The following ATRNL1 variants were observed in gnomAD, a reference collection of about 807,000 sequenced individuals.
The protein encoded by ATRNL1 is attractin like 1, also known as attractin-like protein 1.
ATRNL1 carries 95 observed loss-of-function variants against 182.7 expected under a neutral mutation model. The observed-to-expected ratio is 0.52, with a 90% CI of 0.44 to 0.62. ATRNL1 has a LOEUF of 0.62. Ranked by LOEUF, ATRNL1 falls within the 20% of genes least tolerant of loss-of-function variation. The probability of loss-of-function intolerance (pLI) is 0.00; values close to 1 mark genes in which losing one functional copy is unlikely to be tolerated. For missense variants in ATRNL1, 1,471 were observed against 1,679.5 expected (o/e 0.88, Z 2.17); for synonymous variants, 576 against 568.3 (o/e 1.01, Z -0.19).
chr10:115,844,855 C>T (rs1166440161), intron 27 of ATRNL1, among the ~76,000 whole-genome samples: 4 of 152,012 alleles, frequency 2.6e-5, no homozygotes, highest in African/African-American at 7.2e-5. Flanking sequence ...TTGCACAGCT[C>T]AGTGAACATG....
intron 26 of ATRNL1, among the ~76,000 whole-genome samples, chr10:115,597,406 C>G (rs1051050920): frequency 6.6e-6 from 1 of 151,988 alleles, no homozygotes; most frequent in Admixed American, 6.6e-5. Context: ...GTTGATGACA[C>G]AATTTTAGAA....
intron 19 of ATRNL1, among the ~76,000 whole-genome samples, chr10:115,373,552 C>T (rs1226839853): frequency 6.6e-6 from 1 of 151,920 alleles, no homozygotes; most frequent in Non-Finnish European, 1.5e-5. Context: ...ATTTGTTGAG[C>T]ATTTTTTCAA....
intron 3 of ATRNL1, among the ~76,000 whole-genome samples, 183 bp downstream of exon 3, chr10:115,121,995 TATAAC>T (rs1216939943): frequency 1.6e-4 from 25 of 152,186 alleles, no homozygotes; most frequent in African/African-American, 3.1e-4. Context: ...TAAATATTGA[TATAAC>T]ATAAATAAGT....
chr10:115,436,341 G>T (rs1029263018), intron 21 of ATRNL1, among the ~76,000 whole-genome samples: 2 of 152,080 alleles, frequency 1.3e-5, no homozygotes, highest in Admixed American at 1.3e-4. Flanking sequence ...AAAAATTAAT[G>T]TATGGCATTG....
At chr10:115,360,203 A>G (rs1030426672) in intron 19 of ATRNL1, among the ~76,000 whole-genome samples, 27 of 151,836 alleles carry the variant, frequency 1.8e-4, no homozygotes, top group South Asian at 4.1e-4. Flanking sequence ...AACTCTTCAA[A>G]TAAAGTTGTT....
At chr10:115,317,166 A>G (rs1284585920) in intron 18 of ATRNL1, among the ~76,000 whole-genome samples, 1 of 152,174 alleles carries the variant, frequency 6.6e-6, no homozygotes, top group Non-Finnish European at 1.5e-5. Context: ...CATTTATTGA[A>G]TAGGAGATCC....
chr10:115,493,808 C>T (rs1554977369), intron 24 of ATRNL1, among the ~76,000 whole-genome samples: 3 of 152,168 alleles, frequency 2.0e-5, no homozygotes, highest in African/African-American at 7.2e-5. Context: ...AGTAGATATT[C>T]TGACTAGTGT....
At chr10:115,247,648 C>T (rs892326293) in intron 10 of ATRNL1, among the ~76,000 whole-genome samples, 3 of 152,058 alleles carry the variant, frequency 2.0e-5, no homozygotes, top group East Asian at 1.9e-4. Flanking sequence ...AACTATTATA[C>T]GATCCAGCAA....
intron 26 of ATRNL1, among the ~76,000 whole-genome samples, chr10:115,635,006 A>T (rs1225191949): frequency 2.0e-5 from 3 of 152,138 alleles, no homozygotes; most frequent in Non-Finnish European, 4.4e-5. Flanking sequence ...GCTCTCTTAG[A>T]TTCTCTAAAA....
At chr10:115,894,866 T>A (rs537514320) in intron 28 of ATRNL1, among the ~76,000 whole-genome samples, 1 of 152,340 alleles carries the variant, frequency 6.6e-6, no homozygotes, top group African/African-American at 2.4e-5. Context: ...AATGAGCTTT[T>A]AGCTTATCCC....
intron 13 of ATRNL1, among the ~76,000 whole-genome samples, chr10:115,277,251 T>C (rs782486684): frequency 3.3e-5 from 5 of 152,062 alleles, no homozygotes; most frequent in Non-Finnish European, 5.9e-5. Flanking sequence ...TTTACAAAAA[T>C]GTATCTTCTG....
At chr10:115,846,442 A>G (rs1283015237) in intron 27 of ATRNL1, among the ~76,000 whole-genome samples, 12 of 152,250 alleles carry the variant, frequency 7.9e-5, no homozygotes, top group African/African-American at 2.9e-4. Flanking sequence ...GAATGACTGC[A>G]TATGTCTGTA....
chr10:115,620,153 G>GC (rs1565219427), intron 26 of ATRNL1, among the ~76,000 whole-genome samples: 1 of 152,194 alleles, frequency 6.6e-6, no homozygotes, highest in Non-Finnish European at 1.5e-5. Flanking sequence ...TACAATCATG[G>GC]AAGAAGAGGA....
chr10:115,119,222 A>T (rs1366207545), intron 1 of ATRNL1, among the ~76,000 whole-genome samples: 1 of 152,160 alleles, frequency 6.6e-6, no homozygotes, highest in Non-Finnish European at 1.5e-5. Flanking sequence ...ACATTGACTG[A>T]CATTTCTGTC....
intron 19 of ATRNL1, among the ~76,000 whole-genome samples, chr10:115,383,383 C>G (rs1259314122): frequency 6.6e-6 from 1 of 151,506 alleles, no homozygotes; most frequent in South Asian, 2.1e-4. Flanking sequence ...ATCTTCATAT[C>G]TTTGTGGGTC....
chr10:115,314,782 T>C (rs1854209601), intron 17 of ATRNL1, among the ~76,000 whole-genome samples: 2 of 152,272 alleles, frequency 1.3e-5, no homozygotes, highest in East Asian at 3.9e-4. Flanking sequence ...TTGTTGAGTC[T>C]CATAGGTTAT....
intron 26 of ATRNL1, among the ~76,000 whole-genome samples, chr10:115,675,212 C>G (rs533773096): frequency 6.6e-6 from 1 of 152,146 alleles, no homozygotes; most frequent in East Asian, 1.9e-4. Flanking sequence ...AAAACCTAAT[C>G]TATACAGAAA....
intron 26 of ATRNL1, among the ~76,000 whole-genome samples, chr10:115,554,825 C>G (rs1853217559): frequency 6.6e-6 from 1 of 151,594 alleles, no homozygotes; most frequent in East Asian, 1.9e-4. Flanking sequence ...ACTGTTTTTA[C>G]TGTATATACA....
chr10:115,153,935 A>G (rs995038368), intron 5 of ATRNL1, among the ~76,000 whole-genome samples: 6 of 151,678 alleles, frequency 4.0e-5, no homozygotes, highest in Admixed American at 6.6e-5. Context: ...GGTTTCAAGA[A>G]CATCTTTATT....
Sources: gnomAD v4.1 joint callset for allele counts (sites outside exome capture counted in the v4.1 genomes callset) on GRCh38, gnomAD v4.1.1 for gene constraint, MANE v1.5 for transcripts, NCBI Gene and HGNC (gene_info 2026-07-23, HGNC 2026-07-21) for gene names.